The following THRB variants were observed in gnomAD, a reference collection of about 807,000 sequenced individuals.
The protein encoded by THRB is thyroid hormone receptor beta, also known as nuclear receptor subfamily 1 group A member 2.
A neutral mutation model predicts 47.8 loss-of-function variants in THRB; 12 were observed. The ratio of observed to expected loss-of-function variants is 0.25; its 90% CI spans 0.16 to 0.41. The LOEUF (loss-of-function observed/expected upper bound fraction) is 0.41. Among genes scored for constraint, THRB ranks in the 10% least tolerant of loss-of-function variants. The pLI, the probability that THRB is intolerant of heterozygous loss-of-function variation, is 1.00. For missense variants in THRB, 348 were observed against 589.2 expected, an observed-to-expected ratio of 0.59 and a Z score of 4.24; for synonymous variants, 218 against 212.2, an observed-to-expected ratio of 1.03 and a Z score of -0.24.
intron 1 of THRB, among the ~76,000 whole-genome samples, chr3:24,471,741 A>T (rs1269057367): frequency 6.6e-6 from 1 of 152,168 alleles, no homozygotes; most frequent in African/African-American, 2.4e-5. Context: ...AAAACATCTC[A>T]TGCATATGGT....
At chr3:24,175,690 C>G (rs940448762) in intron 5 of THRB, among the ~76,000 whole-genome samples, 6 of 152,106 alleles carry the variant, frequency 3.9e-5, no homozygotes, top group African/African-American at 7.2e-5. Flanking sequence ...CTAATATAGT[C>G]TGATGTGGCT....
In THRB at chr3:24,246,102, G is replaced by T. The variant is rs149621634; in HGVS notation, c.-42-17101C>A. ...CCAAAGAAGATAGCATGTCCCTTAC[G>T]GAGATGTTGTAGGAATTAAATGAGT... On this transcript the variant is annotated intron_variant, in intron 3 of 10. Coordinates refer to ENST00000646209, the MANE Select transcript of THRB (RefSeq NM_001354712.2). 4.7e-3 allele frequency among the ~76,000 whole-genome samples: 713 copies of T among 152,130 alleles called. 2 individuals are homozygous for T. The highest frequency in any genetic ancestry group is 0.017 in the African/African-American group (687 of 41,522).
At chr3:24,153,364 T>G (rs2037319797) in intron 5 of THRB, among the ~76,000 whole-genome samples, 2 of 152,202 alleles carry the variant, frequency 1.3e-5, no homozygotes, top group Admixed American at 1.3e-4. Context: ...GCTGGTCTTT[T>G]TCTAAAAATG....
In THRB at chr3:24,380,191, T is replaced by C. The variant is rs548161496; in HGVS notation, c.-260-42820A>G. On this transcript the variant is annotated intron_variant, in intron 1 of 10. Coordinates refer to ENST00000646209, the MANE Select transcript of THRB (RefSeq NM_001354712.2). The stretch of plus-strand genomic sequence containing the variant: ...CTACTTATGCAACCCCATCATCCTC[T>C]TTCTCCCTCTCTTCATTTTTCCTGC... 5.4e-5 allele frequency among the ~76,000 whole-genome samples: 8 copies of C among 149,474 alleles called. No homozygotes were observed. In the East Asian group the frequency reaches 1.6e-3, roughly 29 times the overall value.
intron 3 of THRB, among the ~76,000 whole-genome samples, chr3:24,268,980 G>T (rs1336008381): frequency 6.6e-6 from 1 of 152,170 alleles, no homozygotes; most frequent in East Asian, 1.9e-4. Flanking sequence ...GGCACCATTA[G>T]CCATACAGGC....
At chr3:24,223,530 G>T (rs1403245219) in intron 4 of THRB, among the ~76,000 whole-genome samples, 1 of 152,116 alleles carries the variant, frequency 6.6e-6, no homozygotes, top group Non-Finnish European at 1.5e-5. Flanking sequence ...TTTGTAAATG[G>T]TTTGAAATAA....
At chr3:24,272,862 A>G (rs961210561) in intron 3 of THRB, among the ~76,000 whole-genome samples, 12 of 152,164 alleles carry the variant, frequency 7.9e-5, no homozygotes, top group Non-Finnish European at 1.5e-4. Context: ...CTTTCCTCCT[A>G]TTAAAGTTCA....
chr3:24,333,943 C>A (rs1484557958), intron 2 of THRB, among the ~76,000 whole-genome samples: 1 of 152,118 alleles, frequency 6.6e-6, no homozygotes, highest in East Asian at 1.9e-4. Flanking sequence ...TTTCCTTTTT[C>A]AAAAACCTTT....
At chr3:24,444,266 T>G (rs943249399) in intron 1 of THRB, among the ~76,000 whole-genome samples, 2 of 152,148 alleles carry the variant, frequency 1.3e-5, no homozygotes, top group Non-Finnish European at 2.9e-5. Flanking sequence ...TATAATATAA[T>G]TGTTTATAAA....
At chr3:24,236,458 GGC>G (rs10568664) in intron 3 of THRB, among the ~76,000 whole-genome samples, 4,317 of 152,180 alleles carry the variant, frequency 0.028, 201 homozygotes, top group African/African-American at 0.098. Context: ...TATTATTATA[GGC>G]ATCATCATTA....
At chr3:24,354,419 T>C (rs958030167) in intron 1 of THRB, among the ~76,000 whole-genome samples, 1 of 152,150 alleles carries the variant, frequency 6.6e-6, no homozygotes, top group Non-Finnish European at 1.5e-5. Context: ...CTATCACAAA[T>C]TGGACAGAAA....
At chr3:24,211,192 C>G (rs1575925693) in intron 4 of THRB, among the ~76,000 whole-genome samples, 2 of 126,512 alleles carry the variant, frequency 1.6e-5, no homozygotes, top group Admixed American at 1.5e-4. Context: ...AGCAAGACTC[C>G]ATCTCAAAAA....
At chr3:24,132,239 CCTCT>C (rs1196845529) in intron 9 of THRB, among the ~76,000 whole-genome samples, 2 of 152,132 alleles carry the variant, frequency 1.3e-5, no homozygotes, top group African/African-American at 4.8e-5. Flanking sequence ...TGTCCGTGAC[CCTCT>C]CTATTTGGTA....
At position 24,451,229 on chromosome 3, in the gene THRB, C is replaced by CTTT. The variant is rs71057674; in HGVS notation, c.-261+43420_-261+43422dup. 5.6e-3 allele frequency among the ~76,000 whole-genome samples: 535 copies of CTTT among 95,276 alleles called. 13 individuals carry two copies. Among genetic ancestry groups the CTTT allele is most frequent in the Middle Eastern group, 8.9e-3 (1 of 112 alleles). The allele number at this position is 95,276 out of a possible 152,430, so 62.5% of individuals were successfully genotyped here. ...TGAAAGCTACAAGCCACTACATGTA[C>CTTT]TTTTTTTTTTTTTTTTTTTTTTGAG... On this transcript the variant is annotated intron_variant, in intron 1 of 10. Transcript: ENST00000646209.
chr3:24,246,597 T>C (rs547250270), intron 3 of THRB, among the ~76,000 whole-genome samples: 3 of 152,300 alleles, frequency 2.0e-5, no homozygotes, highest in South Asian at 2.1e-4. Context: ...AACTGACTCT[T>C]TTCAGCAATT....
intron 1 of THRB, among the ~76,000 whole-genome samples, chr3:24,447,130 A>G (rs1270894847): frequency 2.0e-5 from 3 of 152,234 alleles, no homozygotes; most frequent in African/African-American, 7.2e-5. Context: ...TAGGAGGCAC[A>G]GATTCCCCTT....
intron 5 of THRB, among the ~76,000 whole-genome samples, chr3:24,161,279 T>C (rs2038770406): frequency 6.6e-6 from 1 of 152,248 alleles, no homozygotes; most frequent in Non-Finnish European, 1.5e-5. Flanking sequence ...TTAAGTTACA[T>C]ACGCATTGTT....
chr3:24,420,590 T>C (rs777439653), intron 1 of THRB, among the ~76,000 whole-genome samples: 7 of 151,742 alleles, frequency 4.6e-5, no homozygotes, highest in Non-Finnish European at 8.8e-5. Context: ...CCAACAAGCA[T>C]ATGAAAAAAA....
chr3:24,470,434 C>T (rs1245598189), intron 1 of THRB, among the ~76,000 whole-genome samples: 1 of 152,142 alleles, frequency 6.6e-6, no homozygotes, highest in Non-Finnish European at 1.5e-5. Context: ...AGCTATGTGA[C>T]CTTAGGAAAG....
Sources: gnomAD v4.1 joint callset for allele counts (sites outside exome capture counted in the v4.1 genomes callset) on GRCh38, gnomAD v4.1.1 for gene constraint, MANE v1.5 for transcripts, NCBI Gene and HGNC (gene_info 2026-07-23, HGNC 2026-07-21) for gene names.